ST7L: variants seen among roughly 807,000 people sequenced by gnomAD.
ST7L encodes the protein suppression of tumorigenicity 7 like, also known as suppressor of tumorigenicity 7 protein-like.
ST7L carries 57 observed loss-of-function variants against 72.5 expected under a neutral mutation model. The ratio of observed to expected loss-of-function variants is 0.79; its 90% confidence interval spans 0.64 to 0.98. The LOEUF is 0.98. ST7L is among the 50% of genes least tolerant of loss of function. ST7L has a pLI of 0.00. For missense variants in ST7L, 576 were observed against 672.2 expected (o/e 0.86, Z 1.58); for synonymous variants, 221 against 240.9 (o/e 0.92, Z 0.77).
intron 14 of ST7L, among the ~76,000 whole-genome samples, chr1:112,532,800 C>T (rs571533709): frequency 5.9e-5 from 9 of 152,246 alleles, no homozygotes; most frequent in African/African-American, 2.2e-4. Flanking sequence ...TTATGATTTC[C>T]TCAAATTCAG....
At chr1:112,613,210 G>A (rs1669341492) in intron 2 of ST7L, among the ~76,000 whole-genome samples, 1 of 152,054 alleles carries the variant, frequency 6.6e-6, no homozygotes, top group South Asian at 2.1e-4. Flanking sequence ...TCTAATGAAT[G>A]AGTATGAAGT....
intron 9 of ST7L, among the ~76,000 whole-genome samples, chr1:112,580,681 T>C (rs1042631878): frequency 4.6e-5 from 7 of 152,102 alleles, no homozygotes; most frequent in African/African-American, 1.7e-4. Context: ...TCCCAGCACT[T>C]TGGGAGGCCG....
chr1:112,569,490 C>T (rs1661687071), intron 11 of ST7L, among the ~76,000 whole-genome samples: 1 of 152,168 alleles, frequency 6.6e-6, no homozygotes, highest in Non-Finnish European at 1.5e-5. Context: ...TAGGCAAATG[C>T]ATAAAGACAG....
downstream of ST7L, among the ~76,000 whole-genome samples, chr1:112,519,614 A>T (rs149260788): frequency 1.4e-3 from 219 of 152,270 alleles, 1 homozygote; most frequent in African/African-American, 5.0e-3. Flanking sequence ...TGTAAGGGGA[A>T]GGGATAATGC....
chr1:112,594,949 G>A (rs1170350644), intron 5 of ST7L, among the ~76,000 whole-genome samples: 1 of 152,066 alleles, frequency 6.6e-6, no homozygotes, highest in Non-Finnish European at 1.5e-5. Flanking sequence ...ATGTTTTATT[G>A]TGGAAAAGGA....
At chr1:112,555,380 A>C (rs190919114) in intron 12 of ST7L, among the ~76,000 whole-genome samples, 5 of 152,202 alleles carry the variant, frequency 3.3e-5, no homozygotes, top group African/African-American at 1.2e-4. Context: ...CCTGGCTAAC[A>C]CGAGGAAACC....
chr1:112,615,198 G>T (rs1262092462), intron 2 of ST7L, among the ~76,000 whole-genome samples: 1 of 151,950 alleles, frequency 6.6e-6, no homozygotes, highest in Non-Finnish European at 1.5e-5. Context: ...GTTTTTCCAT[G>T]TTTCCCAGGC....
intron 12 of ST7L, 86 bp from the exon 13 acceptor site, chr1:112,550,779 C>T: frequency 9.1e-7 from 1 of 1,093,532 alleles, no homozygotes; most frequent in South Asian, 1.5e-5. Flanking sequence ...AGAAATTTCA[C>T]ATACTATTTT....
chr1:112,616,396 T>C (rs1173673260), intron 2 of ST7L, among the ~76,000 whole-genome samples: 1 of 152,162 alleles, frequency 6.6e-6, no homozygotes, highest in African/African-American at 2.4e-5. Context: ...GCTGAATACA[T>C]TTTGGAAATG....
intron 12 of ST7L, 96 bp from the exon 13 acceptor site, chr1:112,550,789 T>G: frequency 1.0e-6 from 1 of 989,094 alleles, no homozygotes; most frequent in South Asian, 1.6e-5. Context: ...CATACTATTT[T>G]CTTTTTTTAG....
chr1:112,583,953 C>A lies in ST7L; in HGVS notation c.856+19G>T. On this transcript the variant is annotated intron_variant, in intron 7 of 14. Transcript: ENST00000358039. ...TACAGATGCTAAAAGACAGTAATAACCAGTTCAAACTTGCTTACTCAGTTG... is the reference window on the plus strand; with the variant it reads ...TACAGATGCTAAAAGACAGTAATAAACAGTTCAAACTTGCTTACTCAGTTG... 9 of 1,608,206 alleles carry A rather than the reference C, an allele frequency of 5.6e-6. No homozygotes were observed. The highest frequency in any genetic ancestry group is 6.8e-6 in the Non-Finnish European group (8 of 1,177,938).
rs936090068 is a variant in ST7L, at chr1:112,524,009, A to C, written c.*2004T>G. 9.9e-5 allele frequency: 15 copies of C among 151,672 alleles called. No homozygotes were observed. Among genetic ancestry groups the C allele is most frequent in the Admixed American group, 7.2e-4 (11 of 15,232 alleles). 9.4% of individuals were successfully genotyped at this position (151,672 alleles called of 1,614,324 possible). A position where few individuals can be genotyped will look rare whatever the true frequency, so the allele number is the denominator to read the frequency against. On this transcript the variant is annotated 3_prime_UTR_variant, in exon 15 of 15. Transcript: ENST00000358039. ...CAGGGGCTTCAGATTAAAAAAAAAAACAAAAAACAAAAAACAAAAACAAAC... is the reference window on the plus strand; with the variant it reads ...CAGGGGCTTCAGATTAAAAAAAAAACCAAAAAACAAAAAACAAAAACAAAC...
chr1:112,544,992 A>G (rs143025549), intron 13 of ST7L, among the ~76,000 whole-genome samples: 23 of 152,216 alleles, frequency 1.5e-4, no homozygotes, highest in Admixed American at 2.6e-4. Context: ...AGACGACTAA[A>G]TAGCTATGTG....
chr1:112,518,503 C>G, the ST7L span: 5 of 152,156 alleles, frequency 3.3e-5, no homozygotes, highest in African/African-American at 1.2e-4. Flanking sequence ...AGTCTGTATA[C>G]TTTGTAGGGT....
At chr1:112,553,427 T>G (rs1286895006) in intron 12 of ST7L, among the ~76,000 whole-genome samples, 2 of 152,210 alleles carry the variant, frequency 1.3e-5, no homozygotes, top group Non-Finnish European at 1.5e-5. Flanking sequence ...TGTCTGGCTT[T>G]TAGCAAATGG....
chr1:112,568,889 A>ATATATATATATATATATAT (rs1553247624), intron 11 of ST7L, among the ~76,000 whole-genome samples: 32 of 115,562 alleles, frequency 2.8e-4, no homozygotes, highest in African/African-American at 6.3e-4. Context: ...TATATATATA[A>ATATATATATATATATATAT]AACAAAAATT....
rs1370957415 is a variant in ST7L at position 112,619,089 on chromosome 1, C to G, written c.25G>C (p.Glu9Gln). The change falls in exon 1 of 15, where the codon GAA (glutamate) becomes CAA (glutamine). Residue 9 changes from glutamate to glutamine, a missense_variant. Around this residue, in one of 3 missense-constraint regions of ST7L, gnomAD observed 56 missense variants for 45.8 expected, o/e 1.22. Transcript: ENST00000358039. Reference protein sequence around the residue: MADRGGVGEAAAVGASPAS... With the variant: MADRGGVGQAAAVGASPAS... ...GGAGACGCTCCAACAGCTGCGGCTT[C>G]ACCCACGCCGCCACGGTCCGCCATC... is the stretch of plus-strand genomic sequence containing the variant. 1.7e-5 allele frequency: 28 copies of G among 1,613,218 alleles called. No homozygotes were observed. Among genetic ancestry groups the G allele is most frequent in the Non-Finnish European group, 2.2e-5 (26 of 1,179,898 alleles).
At chr1:112,619,369 T>TA (rs1670471985), upstream of ST7L, 1 of 574,912 alleles carries the variant, frequency 1.7e-6, no homozygotes, top group East Asian at 2.9e-5. Context: ...CCCGAAGTGT[T>TA]ACCGCTTCCA....
At chr1:112,589,917 T>C (rs966233737) in intron 6 of ST7L, among the ~76,000 whole-genome samples, 5 of 152,226 alleles carry the variant, frequency 3.3e-5, no homozygotes. Context: ...CAGAAACATG[T>C]GGGAGCTTTT....
Sources: allele counts gnomAD v4.1 joint callset (sites outside exome capture counted in the v4.1 genomes callset), GRCh38; gene constraint gnomAD v4.1.1; regional missense constraint gnomAD v4.1.1; transcripts MANE v1.5; gene names NCBI Gene and HGNC (gene_info 2026-07-23, HGNC 2026-07-21).